Variants in CFTR observed in about 807,000 individuals in gnomAD.
CFTR encodes CF transmembrane conductance regulator.
Under a neutral mutation model 171.6 loss-of-function variants are expected in CFTR, and 181 were observed. The ratio of observed to expected loss-of-function variants is 1.05; its 90% confidence interval spans 0.93 to 1.19. CFTR has a LOEUF of 1.19. CFTR is among the 50% of genes most tolerant of loss of function. The pLI, the probability that CFTR is intolerant of heterozygous loss-of-function variation, is 0.00. For synonymous variants in CFTR, 583 were observed against 608.0 expected (o/e 0.96, Z 0.60); for missense variants, 1,968 against 1,734.7 (o/e 1.13, Z -2.39).
At chr7:117,565,243 C>T (rs986045844) in intron 11 of CFTR, among the ~76,000 whole-genome samples, 3 of 152,290 alleles carry the variant, frequency 2.0e-5, no homozygotes, top group South Asian at 2.1e-4. Flanking sequence ...GAGAAATCAA[C>T]GCAATTAAGC....
chr7:117,534,506 A>G (rs1483751101), intron 5 of CFTR, 141 bp downstream of exon 5: 1 of 666,776 alleles, frequency 1.5e-6, no homozygotes, highest in Non-Finnish European at 2.7e-6. Flanking sequence ...GGAAACTAAG[A>G]AAGGTCAATT....
intron 24 of CFTR, among the ~76,000 whole-genome samples, chr7:117,654,660 A>G (rs1264765253): frequency 5.3e-5 from 8 of 152,112 alleles, no homozygotes; most frequent in Non-Finnish European, 1.2e-4. Flanking sequence ...CATGTAAGAC[A>G]TAACTCTTTC....
At chr7:117,601,780 T>A (rs1161232577) in intron 15 of CFTR, among the ~76,000 whole-genome samples, 1 of 152,198 alleles carries the variant, frequency 6.6e-6, no homozygotes, top group Non-Finnish European at 1.5e-5. Flanking sequence ...TTTCTCTACA[T>A]GGTTTATGAG....
At chr7:117,636,045 C>T (rs1411112929) in intron 22 of CFTR, among the ~76,000 whole-genome samples, 1 of 152,040 alleles carries the variant, frequency 6.6e-6, no homozygotes, top group East Asian at 1.9e-4. Flanking sequence ...TCTTACCAGC[C>T]AGACCTACTG....
chr7:117,484,900 T>A (rs908796965), intron 1 of CFTR, among the ~76,000 whole-genome samples: 1 of 152,140 alleles, frequency 6.6e-6, no homozygotes, highest in African/African-American at 2.4e-5. Context: ...TTTTAATATT[T>A]AATTCCTTGC....
At chr7:117,566,901 A>G (rs1791611375) in intron 11 of CFTR, among the ~76,000 whole-genome samples, 1 of 152,246 alleles carries the variant, frequency 6.6e-6, no homozygotes, top group South Asian at 2.1e-4. Context: ...GGAACAAATT[A>G]CTAGCTTAAC....
intron 1 of CFTR, among the ~76,000 whole-genome samples, chr7:117,500,518 T>A (rs1449858111): frequency 1.3e-5 from 2 of 151,690 alleles, no homozygotes; most frequent in Non-Finnish European, 2.9e-5. Flanking sequence ...TCGAACTCCT[T>A]ACCTCAGGTG....
At chr7:117,633,184 C>A (rs1365051213) in intron 22 of CFTR, among the ~76,000 whole-genome samples, 1 of 152,050 alleles carries the variant, frequency 6.6e-6, no homozygotes, top group Admixed American at 6.6e-5. Flanking sequence ...TCTTTGATTT[C>A]TTTTATCAGA....
chr7:117,607,104 C>A (rs542260039), intron 18 of CFTR, among the ~76,000 whole-genome samples: 181 of 152,154 alleles, frequency 1.2e-3, no homozygotes, highest in African/African-American at 4.0e-3. Flanking sequence ...CAACCTCCCC[C>A]CAAAAGGCCT....
intron 21 of CFTR, among the ~76,000 whole-genome samples, chr7:117,622,983 T>C (rs1422099346): frequency 6.6e-6 from 1 of 152,176 alleles, no homozygotes; most frequent in East Asian, 1.9e-4. Flanking sequence ...TAAACATTTT[T>C]ATAAAGATAG....
At chr7:117,574,888 G>A (rs180803449) in intron 11 of CFTR, among the ~76,000 whole-genome samples, 19 of 151,816 alleles carry the variant, frequency 1.3e-4, no homozygotes, top group Non-Finnish European at 2.4e-4. Context: ...TCTTGGCTAC[G>A]GTTATCTTTT....
intron 13 of CFTR, 108 bp from the exon 14 acceptor site, chr7:117,591,826 T>C: frequency 1.5e-6 from 1 of 658,198 alleles, no homozygotes. Flanking sequence ...AATAAAATTG[T>C]ATGATAGAGA....
intron 1 of CFTR, among the ~76,000 whole-genome samples, chr7:117,484,441 G>A (rs1798041695): frequency 6.6e-6 from 1 of 152,128 alleles, no homozygotes; most frequent in South Asian, 2.1e-4. Context: ...AATTGGAGGG[G>A]CCCACCTCTG....
chr7:117,660,809 T>C (rs1793266745), intron 24 of CFTR, among the ~76,000 whole-genome samples: 1 of 152,022 alleles, frequency 6.6e-6, no homozygotes, highest in South Asian at 2.1e-4. Flanking sequence ...TTTGTTTGTT[T>C]TTTGCCCATA....
At chr7:117,662,361 T>G (rs1168203859) in intron 24 of CFTR, among the ~76,000 whole-genome samples, 1 of 152,138 alleles carries the variant, frequency 6.6e-6, no homozygotes, top group Non-Finnish European at 1.5e-5. Flanking sequence ...CTCAAGAAGC[T>G]TACAGTCTAA....
In CFTR at chr7:117,664,272, A is replaced by G. The variant is rs562945592; in HGVS notation, c.3964-416A>G. On this transcript the variant is annotated intron_variant, in intron 24 of 26. Coordinates refer to ENST00000003084, the MANE Select transcript of CFTR (RefSeq NM_000492.4). Reference sequence around the variant, plus strand: ...GCTACATTCTATCTTCTGTCTACATAAGATGTCATACTAGAGGGCATATCT... The same window carrying G: ...GCTACATTCTATCTTCTGTCTACATGAGATGTCATACTAGAGGGCATATCT... Among the ~76,000 whole-genome samples, 5 of 152,314 alleles carry G rather than the reference A, an allele frequency of 3.3e-5. 1 individual carries two copies. In the South Asian group the frequency reaches 1.0e-3, roughly 32 times the overall value.
intron 14 of CFTR, among the ~76,000 whole-genome samples, chr7:117,593,192 A>T (rs915958665): frequency 6.6e-6 from 1 of 152,116 alleles, no homozygotes; most frequent in African/African-American, 2.4e-5. Flanking sequence ...TGGGTTTCTG[A>T]AAAGATTTCT....
chr7:117,523,901 T>C (rs1021396126), intron 3 of CFTR, among the ~76,000 whole-genome samples: 18 of 152,252 alleles, frequency 1.2e-4, no homozygotes, highest in African/African-American at 4.1e-4. Flanking sequence ...CACTTGTAAC[T>C]TGAAAAATTC....
At chr7:117,592,964 C>G (rs1196790633) in intron 14 of CFTR, among the ~76,000 whole-genome samples, 3 of 152,100 alleles carry the variant, frequency 2.0e-5, no homozygotes, top group African/African-American at 7.2e-5. Context: ...CATCTTGAAC[C>G]CTCTGTGGGA....
Sources: allele counts gnomAD v4.1 joint callset (sites outside exome capture counted in the v4.1 genomes callset), GRCh38; gene constraint gnomAD v4.1.1; transcripts MANE v1.5; gene names NCBI Gene and HGNC (gene_info 2026-07-23, HGNC 2026-07-21).